The following PAPPA2 variants were observed in gnomAD, a reference collection of about 807,000 sequenced individuals.
PAPPA2 encodes pappalysin-2.
A neutral mutation model predicts 176.4 loss-of-function variants in PAPPA2; 86 were observed. The ratio of observed to expected loss-of-function variants is 0.49; its 90% CI spans 0.41 to 0.58. The LOEUF (loss-of-function observed/expected upper bound fraction) is 0.58. Ranked by LOEUF, PAPPA2 falls within the 20% of genes least tolerant of loss-of-function variation. PAPPA2 has a pLI of 0.00. For synonymous variants in PAPPA2, 809 were observed against 852.2 expected (o/e 0.95, Z 0.88); for missense variants, 2,073 against 2,256.9 (o/e 0.92, Z 1.65).
At chr1:176,660,528 G>A (rs1658304608) in intron 3 of PAPPA2, among the ~76,000 whole-genome samples, 1 of 152,058 alleles carries the variant, frequency 6.6e-6, no homozygotes, top group Admixed American at 6.6e-5. Context: ...GAATGAAATA[G>A]GGGCAAATAC....
chr1:176,533,177 C>G (rs936849165), intron 1 of PAPPA2, among the ~76,000 whole-genome samples: 5 of 152,228 alleles, frequency 3.3e-5, no homozygotes, highest in African/African-American at 1.2e-4. Context: ...GAGCCTCCCT[C>G]TTCAGGGGTG....
At chr1:176,602,714 A>C (rs1002076912) in intron 3 of PAPPA2, among the ~76,000 whole-genome samples, 7 of 146,372 alleles carry the variant, frequency 4.8e-5, no homozygotes, top group African/African-American at 1.8e-4. Flanking sequence ...ACTAAACAGC[A>C]AAAAAAAAAC....
chr1:176,832,473 C>T (rs1260843690), intron 21 of PAPPA2, among the ~76,000 whole-genome samples: 1 of 152,170 alleles, frequency 6.6e-6, no homozygotes, highest in Non-Finnish European at 1.5e-5. Flanking sequence ...CTGCCTCAGC[C>T]TCCCAAGTAG....
chr1:176,586,419 C>T (rs116065593), intron 2 of PAPPA2, among the ~76,000 whole-genome samples: 1 of 151,974 alleles, frequency 6.6e-6, no homozygotes, highest in African/African-American at 2.4e-5. Flanking sequence ...CACCTATTGA[C>T]CCATCCTCTA....
chr1:176,810,858 A>T (rs1325595), intron 21 of PAPPA2, among the ~76,000 whole-genome samples: 15,385 of 152,208 alleles, frequency 0.1, 2,631 homozygotes, highest in African/African-American at 0.35. Context: ...GGAAAATAGT[A>T]GCAGAAGAAT....
At chr1:176,713,408 T>G (rs1009384632) in intron 12 of PAPPA2, among the ~76,000 whole-genome samples, 1 of 152,170 alleles carries the variant, frequency 6.6e-6, no homozygotes, top group African/African-American at 2.4e-5. Context: ...AACCAAAGCC[T>G]CTTCTTTAAA....
At position 176,495,417 on chromosome 1, in the gene PAPPA2, C is replaced by G. The variant is rs950405497; in HGVS notation, c.-917+31999C>G. Among the ~76,000 whole-genome samples the G allele has an allele frequency of 2.6e-5, 4 of 151,644 alleles. No individual in the cohort carries two copies. The South Asian group carries it at 8.4e-4, about 32-fold the overall frequency. On this transcript the variant is annotated intron_variant, in intron 1 of 22. Transcript: ENST00000367662. Reference sequence around the variant, plus strand: ...TAGCCGGACATGGTGGCGCATGCCTCTAATCCCAGCTACTCGGGAGGCTGA... The same window carrying G: ...TAGCCGGACATGGTGGCGCATGCCTGTAATCCCAGCTACTCGGGAGGCTGA...
intron 2 of PAPPA2, among the ~76,000 whole-genome samples, chr1:176,582,417 G>A (rs1193051597): frequency 1.3e-5 from 2 of 152,030 alleles, no homozygotes; most frequent in African/African-American, 2.4e-5. Flanking sequence ...AACGCTTTTT[G>A]CTTTTCCCTG....
Position 176,634,963 on chromosome 1 carries a change from ATAAATAG to A in PAPPA2, c.1992-36006_1992-36000del, listed in dbSNP as rs1558487020. Reference sequence around the variant, plus strand: ...AGATGATAGGTAGATAGATAGATAGATAAATAGATAGATAGATAGATAGATAGATAGA... The same window carrying A: ...AGATGATAGGTAGATAGATAGATAGAATAGATAGATAGATAGATAGATAGA... On this transcript the variant is annotated intron_variant, in intron 3 of 22. Coordinates refer to ENST00000367662, the MANE Select transcript of PAPPA2 (RefSeq NM_020318.3). 8.7e-3 allele frequency among the ~76,000 whole-genome samples: 1,054 copies of A among 121,784 alleles called. 3 individuals carry two copies. The highest frequency in any genetic ancestry group is 0.023 in the African/African-American group (731 of 32,364). 79.9% of individuals were successfully genotyped at this position (121,784 alleles called of 152,430 possible).
At chr1:176,523,309 G>T (rs1649304338) in intron 1 of PAPPA2, among the ~76,000 whole-genome samples, 1 of 152,076 alleles carries the variant, frequency 6.6e-6, no homozygotes, top group African/African-American at 2.4e-5. Context: ...CTCTAATCTG[G>T]CATGGAAAGA....
Position 176,818,995 on chromosome 1 carries a change from G to T in PAPPA2, c.5202+18863G>T, listed in dbSNP as rs534038288. ...TGCTGTAGAGTTATTTGTTATGCTTGATGTCTGTTTTCCCCATTGGAATAT... is the reference window on the plus strand; with the variant it reads ...TGCTGTAGAGTTATTTGTTATGCTTTATGTCTGTTTTCCCCATTGGAATAT... On this transcript the variant is annotated intron_variant, in intron 21 of 22. Transcript: ENST00000367662. 3.9e-5 allele frequency among the ~76,000 whole-genome samples: 6 copies of T among 152,276 alleles called. 1 individual carries two copies. The highest frequency in any genetic ancestry group is 1.3e-4 in the Admixed American group (2 of 15,294).
intron 2 of PAPPA2, among the ~76,000 whole-genome samples, chr1:176,583,745 C>A (rs1653124335): frequency 6.6e-6 from 1 of 152,146 alleles, no homozygotes; most frequent in African/African-American, 2.4e-5. Context: ...CTGTGTCTGG[C>A]TGATGCTGAT....
intron 12 of PAPPA2, among the ~76,000 whole-genome samples, chr1:176,727,673 A>G (rs1483299163): frequency 6.6e-6 from 1 of 152,060 alleles, no homozygotes; most frequent in East Asian, 1.9e-4. Flanking sequence ...AAAAAATCAA[A>G]ACAGATATAT....
intron 1 of PAPPA2, among the ~76,000 whole-genome samples, chr1:176,487,158 T>C (rs796699345): frequency 1.4e-4 from 22 of 151,874 alleles, no homozygotes; most frequent in African/African-American, 4.8e-4. Flanking sequence ...ATGTAATTAT[T>C]AAGAATCAGC....
intron 1 of PAPPA2, among the ~76,000 whole-genome samples, chr1:176,525,695 C>A (rs1396665480): frequency 6.6e-6 from 1 of 152,118 alleles, no homozygotes; most frequent in Non-Finnish European, 1.5e-5. Context: ...TTCCTAGTTA[C>A]TGGAAATTTT....
chr1:176,687,948 A>G (rs1272174638), intron 4 of PAPPA2, among the ~76,000 whole-genome samples: 1 of 152,132 alleles, frequency 6.6e-6, no homozygotes, highest in Non-Finnish European at 1.5e-5. Flanking sequence ...GATTTTCAGG[A>G]GGGTAGTATG....
At chr1:176,559,754 T>G (rs1480966249) in intron 2 of PAPPA2, among the ~76,000 whole-genome samples, 2 of 152,216 alleles carry the variant, frequency 1.3e-5, no homozygotes, top group East Asian at 3.9e-4. Flanking sequence ...GCAATTCTGC[T>G]GTTCCACTTG....
At chr1:176,750,561 C>T (rs1339445767) in intron 14 of PAPPA2, among the ~76,000 whole-genome samples, 2 of 152,002 alleles carry the variant, frequency 1.3e-5, no homozygotes, top group Non-Finnish European at 2.9e-5. Context: ...ACCGAGATCG[C>T]ACCACTGCAC....
rs376795422 is a variant in PAPPA2 at position 176,742,304 on chromosome 1, G to GA, written c.4151+2119dup. Among the ~76,000 whole-genome samples the GA allele has an allele frequency of 2.7e-4, 39 of 142,314 alleles. No individual in the cohort carries two copies. The South Asian group carries it at 3.1e-3, about 11-fold the overall frequency. The allele number at this position is 142,314 out of a possible 152,430, so 93.4% of individuals were successfully genotyped here. On this transcript the variant is annotated intron_variant, in intron 14 of 22. Coordinates refer to ENST00000367662, the MANE Select transcript of PAPPA2 (RefSeq NM_020318.3). ...ATGCTCCATGAACAGAACTGAACAA[G>GA]AAAAAAAAAAAGTAGAAGTTACAGC...
Sources: gnomAD v4.1 joint callset for allele counts (sites outside exome capture counted in the v4.1 genomes callset) on GRCh38, gnomAD v4.1.1 for gene constraint, MANE v1.5 for transcripts, NCBI Gene and HGNC (gene_info 2026-07-23, HGNC 2026-07-21) for gene names.